The following ABLIM1 variants were observed in gnomAD, a reference collection of about 807,000 sequenced individuals.
ABLIM1 encodes actin-binding LIM protein 1.
Under a neutral mutation model 107.0 loss-of-function variants are expected in ABLIM1, and 40 were observed. The observed-to-expected ratio is 0.37, with a 90% confidence interval of 0.29 to 0.49. ABLIM1 has a LOEUF of 0.49. Among genes scored for constraint, ABLIM1 ranks in the 20% least tolerant of loss-of-function variants. The probability of loss-of-function intolerance (pLI) is 0.97; values close to 1 mark genes in which losing one functional copy is unlikely to be tolerated. For missense variants in ABLIM1, 857 were observed against 1,008.5 expected (o/e 0.85, Z 2.04); for synonymous variants, 357 against 357.3 (o/e 1.00, Z 0.01).
intron 1 of ABLIM1, among the ~76,000 whole-genome samples, chr10:114,635,435 G>A (rs1474319373): frequency 2.0e-5 from 3 of 152,236 alleles, no homozygotes; most frequent in Admixed American, 6.5e-5. Flanking sequence ...CTTACTGTAC[G>A]TGCACCTGTA....
chr10:114,492,083 G>A (rs77589934), intron 6 of ABLIM1, among the ~76,000 whole-genome samples: 5,174 of 151,890 alleles, frequency 0.034, 247 homozygotes, highest in African/African-American at 0.11. Context: ...CCAGCTACTC[G>A]TGGCTGCCTG....
intron 1 of ABLIM1, among the ~76,000 whole-genome samples, chr10:114,656,513 C>A (rs1277852665): frequency 6.6e-6 from 1 of 151,952 alleles, no homozygotes; most frequent in East Asian, 1.9e-4. Context: ...TATGATGATC[C>A]TTTTGATGTG....
intron 1 of ABLIM1, among the ~76,000 whole-genome samples, chr10:114,644,276 A>G (rs1386826430): frequency 1.3e-5 from 1 of 76,536 alleles, no homozygotes; most frequent in Non-Finnish European, 2.3e-5. Flanking sequence ...GTGAGACTCC[A>G]TCTCAAAAAA....
At chr10:114,694,875 G>A (rs540458095) in intron 1 of ABLIM1, among the ~76,000 whole-genome samples, 1 of 152,278 alleles carries the variant, frequency 6.6e-6, no homozygotes, top group South Asian at 2.1e-4. Context: ...CATCTTCTCT[G>A]GGACCTCGCC....
chr10:114,434,404 G>A lies in ABLIM1; in HGVS notation c.*1856C>T, dbSNP rs2059169240. On this transcript the variant is annotated 3_prime_UTR_variant, in exon 23 of 23. Transcript: ENST00000533213. ...AGATTCCTTAGGTAAGAGCACAGGA[G>A]GATGCTATAGAACAGTGACTGTTCA... 1 of 152,084 alleles carries A rather than the reference G, an allele frequency of 6.6e-6. No individual in the cohort carries two copies. Among genetic ancestry groups the A allele is most frequent in the Non-Finnish European group, 1.5e-5 (1 of 68,082 alleles). The allele number at this position is 152,084 out of a possible 1,614,324, so 9.4% of individuals were successfully genotyped here. A position where few individuals can be genotyped will look rare whatever the true frequency, so the allele number is the denominator to read the frequency against.
chr10:114,537,863 A>G (rs150461210), intron 6 of ABLIM1, among the ~76,000 whole-genome samples: 103 of 152,364 alleles, frequency 6.8e-4, no homozygotes, highest in African/African-American at 2.3e-3. Flanking sequence ...AGCCTTCAGC[A>G]TGGACACGGG....
intron 1 of ABLIM1, among the ~76,000 whole-genome samples, chr10:114,712,307 C>G (rs1317978670): frequency 7.6e-6 from 1 of 132,014 alleles, no homozygotes; most frequent in African/African-American, 2.9e-5. Flanking sequence ...GAGCCGAGAT[C>G]ACGCCACTGC....
intron 1 of ABLIM1, among the ~76,000 whole-genome samples, chr10:114,644,664 A>G (rs1429016514): frequency 6.6e-6 from 1 of 152,166 alleles, no homozygotes; most frequent in Non-Finnish European, 1.5e-5. Flanking sequence ...CAGCTGGCCA[A>G]CAGCTTTTTA....
intron 1 of ABLIM1, among the ~76,000 whole-genome samples, chr10:114,656,269 C>CAAAAAAAAAAAAAAAAAAAAAAAAAA: frequency 1.6e-5 from 1 of 63,572 alleles, no homozygotes; most frequent in Non-Finnish European, 2.8e-5. Flanking sequence ...AACTCCGTCT[C>CAAAAAAAAAAAAAAAAAAAAAAAAAA]AAAAAAAAAA....
chr10:114,742,837 G>A (rs1057353422), intron 1 of ABLIM1, among the ~76,000 whole-genome samples: 1 of 152,158 alleles, frequency 6.6e-6, no homozygotes, highest in Non-Finnish European at 1.5e-5. Flanking sequence ...GCTGAGGCAC[G>A]AGAATCGCTT....
chr10:114,771,970 C>T (rs1209265386), upstream of ABLIM1, among the ~76,000 whole-genome samples: 6 of 152,038 alleles, frequency 3.9e-5, no homozygotes, highest in South Asian at 2.1e-4. Flanking sequence ...GAGTCTTACT[C>T]CCACAGCTTT....
intron 6 of ABLIM1, among the ~76,000 whole-genome samples, chr10:114,530,690 T>C (rs1350149078): frequency 6.6e-6 from 1 of 152,134 alleles, no homozygotes; most frequent in Non-Finnish European, 1.5e-5. Flanking sequence ...TCCGCCACCA[T>C]AGCCGGCTAA....
At chr10:114,437,789 TG>T in intron 22 of ABLIM1, 54 bp downstream of exon 22, 1 of 1,437,888 alleles carries the variant, frequency 7.0e-7, no homozygotes, top group South Asian at 1.2e-5. Flanking sequence ...AGGGGAGAGT[TG>T]GGGGAGTGCA....
intron 1 of ABLIM1, among the ~76,000 whole-genome samples, chr10:114,697,128 C>T (rs916711826): frequency 2.6e-5 from 4 of 152,158 alleles, no homozygotes; most frequent in South Asian, 2.1e-4. Flanking sequence ...ACACAAAACA[C>T]GCCCCTTCCC....
At chr10:114,436,472 G>C in intron 22 of ABLIM1, 99 bp from the exon 23 acceptor site, 1 of 884,386 alleles carries the variant, frequency 1.1e-6, no homozygotes, top group Non-Finnish European at 1.8e-6. Context: ...TCATTCTGAA[G>C]AACAAGGCAG....
chr10:114,684,724 T>A, exon 1 of ABLIM1: 1 of 1,032,668 alleles, frequency 9.7e-7, no homozygotes, highest in Non-Finnish European at 1.2e-6. Context: ...GTTCCTAGGA[T>A]TTTCCTGCAT....
intron 14 of ABLIM1, among the ~76,000 whole-genome samples, chr10:114,449,754 T>C (rs2139557602): frequency 6.6e-6 from 1 of 152,318 alleles, no homozygotes; most frequent in Admixed American, 6.5e-5. Context: ...GAAGAACAAA[T>C]GTGACTTGAT....
At chr10:114,608,030 C>A (rs1373915029) in intron 1 of ABLIM1, among the ~76,000 whole-genome samples, 1 of 152,172 alleles carries the variant, frequency 6.6e-6, no homozygotes, top group Non-Finnish European at 1.5e-5. Context: ...CCTGTATTAT[C>A]TTCTCAATTT....
chr10:114,488,263 A>C (rs1177130166), intron 7 of ABLIM1, among the ~76,000 whole-genome samples: 2 of 152,206 alleles, frequency 1.3e-5, no homozygotes, highest in Non-Finnish European at 2.9e-5. Flanking sequence ...CCAACTGGGC[A>C]TGAGTCTTTT....
Sources: gnomAD v4.1 joint callset for allele counts (sites outside exome capture counted in the v4.1 genomes callset) on GRCh38, gnomAD v4.1.1 for gene constraint, MANE v1.5 for transcripts, NCBI Gene and HGNC (gene_info 2026-07-23, HGNC 2026-07-21) for gene names.